SLC24A3: variants seen among roughly 807,000 people sequenced by gnomAD.
SLC24A3 encodes sodium/potassium/calcium exchanger 3.
Under a neutral mutation model 75.8 loss-of-function variants are expected in SLC24A3, and 28 were observed. The observed-to-expected ratio is 0.37, with a 90% CI of 0.27 to 0.51. The LOEUF is 0.51. Ranked by LOEUF, SLC24A3 falls within the 20% of genes least tolerant of loss-of-function variation. The pLI is 0.94. For missense variants in SLC24A3, 663 were observed against 847.8 expected (o/e 0.78, Z 2.71); for synonymous variants, 372 against 334.1 (o/e 1.11, Z -1.24).
At chr20:19,316,889 C>T (rs1175208736) in intron 2 of SLC24A3, among the ~76,000 whole-genome samples, 1 of 152,108 alleles carries the variant, frequency 6.6e-6, no homozygotes, top group Non-Finnish European at 1.5e-5. Flanking sequence ...AGGTTTGTGA[C>T]ATAGGTAAAT....
At chr20:19,223,636 C>T (rs1169872324) in intron 1 of SLC24A3, among the ~76,000 whole-genome samples, 4 of 152,140 alleles carry the variant, frequency 2.6e-5, no homozygotes, top group Non-Finnish European at 2.9e-5. Flanking sequence ...ATAGAACAAT[C>T]GTAATATACT....
chr20:19,643,697 T>G, intron 6 of SLC24A3, among the ~76,000 whole-genome samples: 1 of 152,218 alleles, frequency 6.6e-6, no homozygotes, highest in East Asian at 1.9e-4. Flanking sequence ...TGCATAGTCT[T>G]AACTGTCTGA....
chr20:19,532,652 G>A (rs978858834), intron 3 of SLC24A3, among the ~76,000 whole-genome samples: 32 of 152,338 alleles, frequency 2.1e-4, no homozygotes, highest in African/African-American at 7.7e-4. Flanking sequence ...AGTGGTAGGT[G>A]ACACGTTCAG....
At position 19,588,248 on chromosome 20, in the gene SLC24A3, G is replaced by A. The variant is rs975397243; in HGVS notation, c.612+2704G>A. ...AATGTTACGGCAAAGGCTGGATATT[G>A]GGAATTGAAGCGATTAATAAATCCA... On this transcript the variant is annotated intron_variant, in intron 6 of 16. Coordinates refer to ENST00000328041, the MANE Select transcript of SLC24A3 (RefSeq NM_020689.4). 3.4e-4 allele frequency among the ~76,000 whole-genome samples: 51 copies of A among 152,194 alleles called. 1 individual carries two copies. The highest frequency in any genetic ancestry group is 5.9e-5 in the Non-Finnish European group (4 of 68,040).
At chr20:19,319,129 G>T (rs985567393) in intron 2 of SLC24A3, among the ~76,000 whole-genome samples, 2 of 152,104 alleles carry the variant, frequency 1.3e-5, no homozygotes, top group Admixed American at 1.3e-4. Flanking sequence ...CAATTGGTTT[G>T]CCAGGGTGAG....
chr20:19,646,730 C>T (rs1243813488), intron 6 of SLC24A3, among the ~76,000 whole-genome samples: 1 of 152,084 alleles, frequency 6.6e-6, no homozygotes, highest in Non-Finnish European at 1.5e-5. Flanking sequence ...CAGACACTAG[C>T]CTTACCTCCA....
chr20:19,260,010 T>C lies in SLC24A3; in HGVS notation c.143-20949T>C, dbSNP rs186021362. On this transcript the variant is annotated intron_variant, in intron 1 of 16. Transcript: ENST00000328041. ...GAATCCGTATGCCCTGAGATTAAGG[T>C]AGCAAAATATTAAGGGAAGGTCTCT... 1.2e-3 allele frequency among the ~76,000 whole-genome samples: 180 copies of C among 152,302 alleles called. 1 individual carries two copies. Among genetic ancestry groups the C allele is most frequent in the South Asian group, 6.0e-3 (29 of 4,826 alleles).
intron 3 of SLC24A3, among the ~76,000 whole-genome samples, chr20:19,567,458 G>A (rs56780265): frequency 0.033 from 4,991 of 152,220 alleles, 131 homozygotes; most frequent in South Asian, 0.091. Context: ...TAAACACTGA[G>A]TACACATGGA....
chr20:19,713,232 T>A (rs1480658578), intron 15 of SLC24A3, among the ~76,000 whole-genome samples: 1 of 152,230 alleles, frequency 6.6e-6, no homozygotes, highest in Non-Finnish European at 1.5e-5. Flanking sequence ...CAAGCACACG[T>A]GGACATGCCC....
intron 2 of SLC24A3, among the ~76,000 whole-genome samples, chr20:19,437,364 TTCTC>T (rs1461331744): frequency 6.6e-6 from 1 of 152,200 alleles, no homozygotes; most frequent in Admixed American, 6.5e-5. Flanking sequence ...CTGTCACTCA[TTCTC>T]TCTCCCGATT....
intron 6 of SLC24A3, among the ~76,000 whole-genome samples, chr20:19,650,646 T>G (rs1008552086): frequency 6.6e-6 from 1 of 151,740 alleles, no homozygotes; most frequent in Non-Finnish European, 1.5e-5. Flanking sequence ...AGCCCCCCCT[T>G]CTCACTACCC....
intron 6 of SLC24A3, among the ~76,000 whole-genome samples, chr20:19,651,626 G>A (rs1046210321): frequency 3.3e-5 from 5 of 151,856 alleles, no homozygotes; most frequent in African/African-American, 4.8e-5. Context: ...TTGGGAGGCC[G>A]AGGCAGGTGG....
At chr20:19,336,037 T>C (rs138560728) in intron 2 of SLC24A3, among the ~76,000 whole-genome samples, 57 of 152,366 alleles carry the variant, frequency 3.7e-4, no homozygotes, top group African/African-American at 1.1e-3. Context: ...CAGTAAGAAA[T>C]AATTAGTCAT....
intron 2 of SLC24A3, among the ~76,000 whole-genome samples, chr20:19,461,489 C>T (rs563554178): frequency 1.7e-4 from 25 of 150,544 alleles, no homozygotes; most frequent in Admixed American, 2.6e-4. Flanking sequence ...ACTTATTATT[C>T]GCCAGATACT....
intron 15 of SLC24A3, among the ~76,000 whole-genome samples, chr20:19,711,042 T>C (rs1450176026): frequency 2.9e-5 from 1 of 34,610 alleles, no homozygotes; most frequent in Non-Finnish European, 5.6e-5. Flanking sequence ...GCAGTCTCAC[T>C]GCCTCCCAGT....
chr20:19,437,292 T>C (rs530288517), intron 2 of SLC24A3, among the ~76,000 whole-genome samples: 1 of 152,316 alleles, frequency 6.6e-6, no homozygotes, highest in South Asian at 2.1e-4. Flanking sequence ...CATGCTGTTC[T>C]CATGATAATG....
chr20:19,666,911 G>C (rs1215859368), intron 8 of SLC24A3, among the ~76,000 whole-genome samples: 1 of 152,202 alleles, frequency 6.6e-6, no homozygotes, highest in African/African-American at 2.4e-5. Flanking sequence ...TGGAAATCGA[G>C]TGTATTGTGC....
chr20:19,550,082 G>A (rs2030665940), intron 3 of SLC24A3, among the ~76,000 whole-genome samples: 1 of 152,110 alleles, frequency 6.6e-6, no homozygotes, highest in Non-Finnish European at 1.5e-5. Flanking sequence ...TTCCTGTCAG[G>A]GAAAAGTGTG....
intron 9 of SLC24A3, among the ~76,000 whole-genome samples, chr20:19,674,650 C>T (rs138944453): frequency 2.0e-5 from 3 of 152,336 alleles, no homozygotes; most frequent in African/African-American, 7.2e-5. Flanking sequence ...ACTCAAGGGG[C>T]TGGCATCACT....
Sources: allele counts gnomAD v4.1 joint callset (sites outside exome capture counted in the v4.1 genomes callset), GRCh38; gene constraint gnomAD v4.1.1; transcripts MANE v1.5; gene names NCBI Gene and HGNC (gene_info 2026-07-23, HGNC 2026-07-21).